Variants in CADM2 observed in about 807,000 individuals in gnomAD.
CADM2 encodes immunoglobulin superfamily member 4D.
A neutral mutation model predicts 49.8 loss-of-function variants in CADM2; 12 were observed. The observed-to-expected ratio is 0.24, with a 90% CI of 0.15 to 0.39. CADM2 has a LOEUF of 0.39. CADM2 is among the 10% of genes least tolerant of loss of function. The probability of loss-of-function intolerance (pLI) is 1.00; values close to 1 mark genes in which losing one functional copy is unlikely to be tolerated. For missense variants in CADM2, 378 were observed against 492.3 expected (o/e 0.77, Z 2.20); for synonymous variants, 214 against 175.4 (o/e 1.22, Z -1.74).
chr3:85,216,558 A>G (rs1576141599), intron 1 of CADM2, among the ~76,000 whole-genome samples: 1 of 151,874 alleles, frequency 6.6e-6, no homozygotes, highest in South Asian at 2.1e-4. Context: ...CTTTTGATAC[A>G]ATAAAGCTGC....
At chr3:85,154,964 G>A (rs180967794) in intron 1 of CADM2, among the ~76,000 whole-genome samples, 6 of 151,550 alleles carry the variant, frequency 4.0e-5, no homozygotes, top group Admixed American at 1.3e-4. Flanking sequence ...AGGAACAACC[G>A]GTACCAGCCG....
rs558118191 is a variant in CADM2, at chr3:85,548,764, G to C, written c.62-177758G>C. Among the ~76,000 whole-genome samples, 13 of 152,174 alleles carry C rather than the reference G, an allele frequency of 8.5e-5. No homozygotes were observed. The East Asian group carries it at 1.5e-3, about 18-fold the overall frequency. On this transcript the variant is annotated intron_variant, in intron 1 of 9. Coordinates refer to ENST00000383699, the MANE Select transcript of CADM2 (RefSeq NM_001167675.2). ...AATGTCTGTAGAGCTTTACTTCCTT[G>C]CTTCTAAATTGCCTTCATGTATTAG...
At chr3:85,256,567 C>T (rs2042890432) in intron 1 of CADM2, among the ~76,000 whole-genome samples, 1 of 152,044 alleles carries the variant, frequency 6.6e-6, no homozygotes, top group African/African-American at 2.4e-5. Flanking sequence ...AACATTTCTA[C>T]CCCCAAATAA....
chr3:85,116,523 G>A (rs931004894), intron 1 of CADM2, among the ~76,000 whole-genome samples: 7 of 152,128 alleles, frequency 4.6e-5, no homozygotes, highest in African/African-American at 1.4e-4. Context: ...ATTGTTATAT[G>A]AGTCAAAGTT....
At chr3:84,979,883 A>G (rs2032062075) in intron 1 of CADM2, among the ~76,000 whole-genome samples, 1 of 152,156 alleles carries the variant, frequency 6.6e-6, no homozygotes, top group South Asian at 2.1e-4. Context: ...AAGATAAAGT[A>G]AGAGAACTGA....
chr3:85,689,300 T>C (rs535776291), intron 1 of CADM2, among the ~76,000 whole-genome samples: 57 of 152,316 alleles, frequency 3.7e-4, no homozygotes, highest in Non-Finnish European at 5.4e-4. Context: ...TTAAAGTCTG[T>C]GCAGTTCATT....
intron 1 of CADM2, among the ~76,000 whole-genome samples, chr3:85,425,322 A>T: frequency 6.6e-6 from 1 of 152,306 alleles, no homozygotes; most frequent in South Asian, 2.1e-4. Flanking sequence ...AAATGTTTTT[A>T]TCTTGTTCAC....
chr3:85,297,645 C>T (rs2043998706), intron 1 of CADM2, among the ~76,000 whole-genome samples: 1 of 151,960 alleles, frequency 6.6e-6, no homozygotes, highest in South Asian at 2.1e-4. Flanking sequence ...TAGGCCTCCT[C>T]ATTTTTCTCC....
chr3:85,103,497 C>A (rs941500612), intron 1 of CADM2, among the ~76,000 whole-genome samples: 3 of 152,006 alleles, frequency 2.0e-5, no homozygotes, highest in Admixed American at 2.0e-4. Context: ...ACTTACAATA[C>A]TATGTATAAG....
rs1724157739 is a variant in CADM2 at position 85,957,090 on chromosome 3, A to G, written c.792-4379A>G. Reference sequence around the variant, plus strand: ...AGGGCAAGATTTCTACATTGCTACAAATCATAGTTTTATTTTATCATTTTT... The same window carrying G: ...AGGGCAAGATTTCTACATTGCTACAGATCATAGTTTTATTTTATCATTTTT... On this transcript the variant is annotated intron_variant, in intron 7 of 9. Coordinates refer to ENST00000383699, the MANE Select transcript of CADM2 (RefSeq NM_001167675.2). Among the ~76,000 whole-genome samples, 5 of 151,686 alleles carry G rather than the reference A, an allele frequency of 3.3e-5. No individual in the cohort carries two copies. The South Asian group carries it at 1.0e-3, about 31-fold the overall frequency.
chr3:85,997,293 C>T (rs945956148), intron 8 of CADM2, among the ~76,000 whole-genome samples: 5 of 152,134 alleles, frequency 3.3e-5, no homozygotes, highest in Non-Finnish European at 5.9e-5. Flanking sequence ...ATTTGCATAA[C>T]TATAACTTAA....
chr3:85,135,835 G>A (rs114254705), intron 1 of CADM2, among the ~76,000 whole-genome samples: 4,640 of 151,956 alleles, frequency 0.031, 101 homozygotes, highest in East Asian at 0.044. Flanking sequence ...TTAGAGAGCC[G>A]TAGTATTGAA....
chr3:85,238,433 G>T (rs1404096592), intron 1 of CADM2, among the ~76,000 whole-genome samples: 2 of 151,932 alleles, frequency 1.3e-5, no homozygotes, highest in Non-Finnish European at 2.9e-5. Context: ...AAACAGTGTG[G>T]TCTCAGACCA....
At chr3:84,992,659 C>G (rs2032958687) in intron 1 of CADM2, among the ~76,000 whole-genome samples, 1 of 152,038 alleles carries the variant, frequency 6.6e-6, no homozygotes, top group African/African-American at 2.4e-5. Context: ...AAACAAATAA[C>G]TAGTTTTTTT....
intron 8 of CADM2, among the ~76,000 whole-genome samples, chr3:85,983,544 C>T (rs1189779639): frequency 6.6e-6 from 1 of 151,530 alleles, no homozygotes; most frequent in East Asian, 1.9e-4. Context: ...AAGCAATACT[C>T]AATAAATGAC....
chr3:85,206,456 C>T (rs183100946), intron 1 of CADM2, among the ~76,000 whole-genome samples: 2 of 151,754 alleles, frequency 1.3e-5, no homozygotes, highest in African/African-American at 2.4e-5. Flanking sequence ...TACAGGCGCC[C>T]GTCACCACGC....
At chr3:85,591,812 T>C (rs900254672) in intron 1 of CADM2, among the ~76,000 whole-genome samples, 2 of 152,042 alleles carry the variant, frequency 1.3e-5, no homozygotes, top group Non-Finnish European at 2.9e-5. Flanking sequence ...ATACACTTTG[T>C]TCCCAGTGAA....
At chr3:85,027,372 A>G (rs2034783173) in intron 1 of CADM2, among the ~76,000 whole-genome samples, 1 of 151,446 alleles carries the variant, frequency 6.6e-6, no homozygotes. Context: ...TGGCCTCCTG[A>G]AGTGCTGGGA....
intron 1 of CADM2, among the ~76,000 whole-genome samples, chr3:85,070,921 G>A (rs1036849085): frequency 6.6e-6 from 1 of 151,698 alleles, no homozygotes; most frequent in Non-Finnish European, 1.5e-5. Context: ...CCCAGGAGGC[G>A]GAAGTTGCAG....
Sources: gnomAD v4.1 joint callset for allele counts (sites outside exome capture counted in the v4.1 genomes callset) on GRCh38, gnomAD v4.1.1 for gene constraint, MANE v1.5 for transcripts, NCBI Gene and HGNC (gene_info 2026-07-23, HGNC 2026-07-21) for gene names.